PTGIS: variants seen among roughly 807,000 people sequenced by gnomAD.
PTGIS encodes prostacyclin synthase.
PTGIS carries 45 observed loss-of-function variants against 50.3 expected under a neutral mutation model. The ratio of observed to expected loss-of-function variants is 0.90; its 90% confidence interval spans 0.70 to 1.15. The LOEUF (loss-of-function observed/expected upper bound fraction) is 1.15, where lower values mean the gene tolerates loss of function less well. PTGIS is among the 50% of genes most tolerant of loss of function. The pLI is 0.00. For missense variants in PTGIS, 668 were observed against 661.3 expected, an observed-to-expected ratio of 1.01 and a Z score of -0.11; for synonymous variants, 260 against 267.7, an observed-to-expected ratio of 0.97 and a Z score of 0.28.
At chr20:49,533,260 A>G (rs562399267) in intron 5 of PTGIS, among the ~76,000 whole-genome samples, 1 of 152,326 alleles carries the variant, frequency 6.6e-6, no homozygotes, top group East Asian at 1.9e-4. Context: ...TACCTTTGAA[A>G]TGCATCAGAG....
At position 49,560,490 on chromosome 20, in the gene PTGIS, A is replaced by G. The variant is rs142491673; in HGVS notation, c.74+7553T>C. Among the ~76,000 whole-genome samples, 1,349 of 152,334 alleles carry G rather than the reference A, an allele frequency of 8.9e-3. 22 individuals are homozygous for G. The highest frequency in any genetic ancestry group is 0.03 in the African/African-American group (1,266 of 41,566). On this transcript the variant is annotated intron_variant, in intron 1 of 9. Coordinates refer to ENST00000244043, the MANE Select transcript of PTGIS (RefSeq NM_000961.4). Reference sequence around the variant, plus strand: ...AGTGCTGGGATTACAGGCATGAGCCACTATGCCCAGCCCAAAAGGGTGAAC... The same window carrying G: ...AGTGCTGGGATTACAGGCATGAGCCGCTATGCCCAGCCCAAAAGGGTGAAC...
At chr20:49,532,705 G>A (rs1033395690) in intron 5 of PTGIS, among the ~76,000 whole-genome samples, 8 of 152,248 alleles carry the variant, frequency 5.3e-5, no homozygotes, top group South Asian at 2.1e-4. Context: ...AATAAATTGC[G>A]AAATACAGAG....
chr20:49,562,660 G>A (rs560503271), intron 1 of PTGIS, among the ~76,000 whole-genome samples: 1 of 152,168 alleles, frequency 6.6e-6, no homozygotes, highest in Non-Finnish European at 1.5e-5. Flanking sequence ...CCACACAGCC[G>A]GTTTCCTGCC....
At chr20:49,531,566 T>C (rs1056681584) in intron 5 of PTGIS, among the ~76,000 whole-genome samples, 2 of 152,224 alleles carry the variant, frequency 1.3e-5, no homozygotes, top group African/African-American at 4.8e-5. Flanking sequence ...ATTTTAAAAA[T>C]CTTCCCACTG....
rs994449813 is a variant in PTGIS at position 49,506,705 on chromosome 20, G to A, written c.*1215C>T. Reference sequence around the variant, plus strand: ...TCATCACTGATACATTTGTTCAAAGGGTGGTGCACTCAGGCTGGGTTGGAC... The same window carrying A: ...TCATCACTGATACATTTGTTCAAAGAGTGGTGCACTCAGGCTGGGTTGGAC... On this transcript the variant is annotated 3_prime_UTR_variant, in exon 10 of 10. Transcript: ENST00000244043. 3 of 152,172 alleles carry A rather than the reference G, an allele frequency of 2.0e-5. No homozygotes were observed. The highest frequency in any genetic ancestry group is 4.4e-5 in the Non-Finnish European group (3 of 68,060). 9.4% of individuals were successfully genotyped at this position (152,172 alleles called of 1,614,324 possible). A position where few individuals can be genotyped will look rare whatever the true frequency, so the allele number is the denominator to read the frequency against.
chr20:49,550,418 G>A (rs1982476817), intron 1 of PTGIS, among the ~76,000 whole-genome samples: 1 of 152,162 alleles, frequency 6.6e-6, no homozygotes, highest in Non-Finnish European at 1.5e-5. Context: ...AACCCTCAGA[G>A]TCATCTTTGA....
chr20:49,552,015 A>G (rs1982523087), intron 1 of PTGIS, among the ~76,000 whole-genome samples: 2 of 152,128 alleles, frequency 1.3e-5, no homozygotes, highest in Non-Finnish European at 2.9e-5. Context: ...ACAGCCTGGG[A>G]TTCCTTAAAG....
chr20:49,518,964 G>T (rs370413957), intron 6 of PTGIS, among the ~76,000 whole-genome samples: 1 of 152,180 alleles, frequency 6.6e-6, no homozygotes, highest in African/African-American at 2.4e-5. Context: ...CTGAGGATGT[G>T]ATGGGGTGAA....
rs144711125 is a variant in PTGIS at position 49,551,494 on chromosome 20, C to G, written c.75-1305G>C. On this transcript the variant is annotated intron_variant, in intron 1 of 9. Transcript: ENST00000244043. ...GAAAGTTTTAAAATCCACCTATAAC[C>G]TGGAAGCACCCCCCACATCAAGTTG... Among the ~76,000 whole-genome samples, 4 of 152,298 alleles carry G rather than the reference C, an allele frequency of 2.6e-5. No homozygotes were observed. In the South Asian group the frequency reaches 8.3e-4, roughly 32 times the overall value.
In PTGIS at chr20:49,508,068, C is replaced by T; in HGVS notation, c.1359-4G>A. The stretch of plus-strand genomic sequence containing the variant: ...CACCAGCACAAGGAACACAAATCTG[C>T]AGAGAGATGGCATGGAAGGTGTGAA... On this transcript the variant is annotated splice_polypyrimidine_tract_variant and splice_region_variant and intron_variant, in intron 9 of 9. Transcript: ENST00000244043. 6.2e-7 allele frequency: 1 copy of T among 1,613,672 alleles called. No individual in the cohort carries two copies. The highest frequency in any genetic ancestry group is 8.5e-7 in the Non-Finnish European group (1 of 1,180,022).
chr20:49,509,755 A>G (rs1429569111), intron 9 of PTGIS, among the ~76,000 whole-genome samples: 2 of 149,128 alleles, frequency 1.3e-5, no homozygotes, highest in Non-Finnish European at 3.0e-5. Context: ...AAACTTTACT[A>G]CCATTTTTTT....
intron 6 of PTGIS, among the ~76,000 whole-genome samples, chr20:49,522,556 G>A (rs1981677254): frequency 6.6e-6 from 1 of 151,946 alleles, no homozygotes; most frequent in East Asian, 1.9e-4. Context: ...TCAAACTCCT[G>A]GGCTCAAGCA....
intron 1 of PTGIS, among the ~76,000 whole-genome samples, chr20:49,555,802 A>G (rs1217126171): frequency 6.6e-6 from 1 of 152,196 alleles, no homozygotes; most frequent in East Asian, 1.9e-4. Flanking sequence ...ATCTTTTTAT[A>G]GGTGATTTAT....
At chr20:49,508,935 ACT>A (rs1246885663) in intron 9 of PTGIS, among the ~76,000 whole-genome samples, 2 of 151,814 alleles carry the variant, frequency 1.3e-5, no homozygotes, top group African/African-American at 2.4e-5. Context: ...ATATCTTATG[ACT>A]CTTTTCCCAC....
At chr20:49,542,719 T>A (rs1982262018) in intron 4 of PTGIS, among the ~76,000 whole-genome samples, 1 of 152,124 alleles carries the variant, frequency 6.6e-6, no homozygotes, top group Non-Finnish European at 1.5e-5. Context: ...TTACAGCCCT[T>A]GACACTGTTT....
chr20:49,561,318 G>A (rs1042787444), intron 1 of PTGIS, among the ~76,000 whole-genome samples: 2 of 152,150 alleles, frequency 1.3e-5, no homozygotes, highest in Non-Finnish European at 2.9e-5. Flanking sequence ...TGAAATTTGA[G>A]GGCCTAGGAA....
At chr20:49,512,975 A>G in intron 8 of PTGIS, 105 bp downstream of exon 8, 1 of 1,399,248 alleles carries the variant, frequency 7.1e-7, no homozygotes, top group East Asian at 2.4e-5. Context: ...AATGTCACAT[A>G]GCAAACAAAG....
At chr20:49,514,963 T>A (rs1159364522) in intron 6 of PTGIS, among the ~76,000 whole-genome samples, 1 of 152,168 alleles carries the variant, frequency 6.6e-6, no homozygotes, top group Non-Finnish European at 1.5e-5. Context: ...AGCCCACTGA[T>A]CCCAAGAGGA....
chr20:49,560,123 C>T (rs1314769013), intron 1 of PTGIS, among the ~76,000 whole-genome samples: 1 of 151,750 alleles, frequency 6.6e-6, no homozygotes, highest in Non-Finnish European at 1.5e-5. Flanking sequence ...TGGGTTTCAC[C>T]ATCTTGGCCA....
Sources: allele counts gnomAD v4.1 joint callset (sites outside exome capture counted in the v4.1 genomes callset), GRCh38; gene constraint gnomAD v4.1.1; transcripts MANE v1.5; gene names NCBI Gene and HGNC (gene_info 2026-07-23, HGNC 2026-07-21).